Variants in RBFOX1 observed in about 807,000 individuals in gnomAD.
RBFOX1 encodes the protein RNA binding protein fox-1 homolog 1.
A neutral mutation model predicts 57.7 loss-of-function variants in RBFOX1; 8 were observed. The ratio of observed to expected loss-of-function variants is 0.14; its 90% confidence interval spans 0.08 to 0.25. The LOEUF (loss-of-function observed/expected upper bound fraction) is 0.25, where lower values mean the gene tolerates loss of function less well. Ranked by LOEUF, RBFOX1 falls within the 10% of genes least tolerant of loss-of-function variation. The probability of loss-of-function intolerance (pLI) is 1.00; values close to 1 mark genes in which losing one functional copy is unlikely to be tolerated. For synonymous variants in RBFOX1, 326 were observed against 222.4 expected, an observed-to-expected ratio of 1.47 and a Z score of -4.15; for missense variants, 611 against 548.5, an observed-to-expected ratio of 1.11 and a Z score of -1.14.
intron 4 of RBFOX1, among the ~76,000 whole-genome samples, chr16:7,446,408 A>C (rs751358606): frequency 3.3e-5 from 5 of 152,210 alleles, no homozygotes; most frequent in Non-Finnish European, 7.3e-5. Context: ...ATGATTTTCT[A>C]GTATAACTAG....
At chr16:5,704,405 C>G (rs1000861557) in intron 3 of RBFOX1, among the ~76,000 whole-genome samples, 1 of 152,040 alleles carries the variant, frequency 6.6e-6, no homozygotes, top group Non-Finnish European at 1.5e-5. Context: ...CGCCACAACT[C>G]ACAGGGAGTG....
intron 3 of RBFOX1, among the ~76,000 whole-genome samples, chr16:5,688,680 C>T (rs2050577241): frequency 1.3e-5 from 2 of 152,278 alleles, no homozygotes; most frequent in South Asian, 4.1e-4. Context: ...CAGAGTCTCA[C>T]ATGTAAATTA....
chr16:7,189,584 CACAT>C (rs1164065871), intron 4 of RBFOX1, among the ~76,000 whole-genome samples: 71 of 146,070 alleles, frequency 4.9e-4, no homozygotes, highest in African/African-American at 1.2e-3. Context: ...CACACACACA[CACAT>C]ACACACACAA....
At chr16:7,441,533 C>G (rs932223737) in intron 4 of RBFOX1, among the ~76,000 whole-genome samples, 2 of 152,074 alleles carry the variant, frequency 1.3e-5, no homozygotes, top group South Asian at 4.1e-4. Context: ...ACTATAATAT[C>G]TTTTTCACGT....
chr16:5,925,934 A>G (rs2058931681), intron 4 of RBFOX1, among the ~76,000 whole-genome samples: 1 of 152,138 alleles, frequency 6.6e-6, no homozygotes, highest in Non-Finnish European at 1.5e-5. Flanking sequence ...CTCTCCGTAG[A>G]CTAAACATGC....
At chr16:6,512,537 G>A (rs1210896872) in intron 2 of RBFOX1, among the ~76,000 whole-genome samples, 1 of 152,070 alleles carries the variant, frequency 6.6e-6, no homozygotes, top group Admixed American at 6.6e-5. Flanking sequence ...CCAAGACTGG[G>A]TGTTGCTAGA....
chr16:6,214,405 G>T (rs376410183), intron 1 of RBFOX1, among the ~76,000 whole-genome samples: 1 of 148,734 alleles, frequency 6.7e-6, no homozygotes, highest in African/African-American at 2.5e-5. Flanking sequence ...GGGACAGGAA[G>T]AGAGGGAGTG....
chr16:5,665,577 C>T (rs1482171297), intron 3 of RBFOX1, among the ~76,000 whole-genome samples: 1 of 152,164 alleles, frequency 6.6e-6, no homozygotes, highest in African/African-American at 2.4e-5. Flanking sequence ...GGGCAGGGAC[C>T]TTTGGGTCAC....
At chr16:7,022,013 T>TCCCCCTCTCCCTCCCCTC (rs1464800376) in intron 3 of RBFOX1, among the ~76,000 whole-genome samples, 3 of 12,688 alleles carry the variant, frequency 2.4e-4, no homozygotes, top group Non-Finnish European at 2.2e-4. Context: ...TCCCTCCCCT[T>TCCCCCTCTCCCTCCCCTC]CCCTTCCCCC....
At chr16:6,507,881 A>G (rs1377496810) in intron 2 of RBFOX1, among the ~76,000 whole-genome samples, 1 of 152,156 alleles carries the variant, frequency 6.6e-6, no homozygotes, top group African/African-American at 2.4e-5. Flanking sequence ...TTGCAAGATA[A>G]AGAGTTCTAC....
intron 1 of RBFOX1, among the ~76,000 whole-genome samples, chr16:6,170,088 A>G (rs1362763323): frequency 6.6e-6 from 1 of 152,150 alleles, no homozygotes; most frequent in Non-Finnish European, 1.5e-5. Flanking sequence ...CGGTTTGTCC[A>G]CAAGGACTCA....
rs554038958 is a variant in RBFOX1, at chr16:5,273,088, A to G, written c.219+32983A>G. ...AATGCTGCCCACTTAGAGAAAGAGA[A>G]ACTCGTTCTCTTTAAGAGGCAGAGG... On this transcript the variant is annotated intron_variant, in intron 1 of 2. Coordinates refer to the RBFOX1 transcript ENST00000585867. Among the ~76,000 whole-genome samples the G allele has an allele frequency of 5.3e-5, 8 of 152,292 alleles. No individual in the cohort carries two copies. In the South Asian group the frequency reaches 1.5e-3, roughly 28 times the overall value.
intron 2 of RBFOX1, among the ~76,000 whole-genome samples, chr16:6,494,912 C>G (rs544092607): frequency 6.6e-6 from 1 of 152,118 alleles, no homozygotes; most frequent in African/African-American, 2.4e-5. Flanking sequence ...GTATTCTAAG[C>G]CTGTTATGTA....
intron 2 of RBFOX1, among the ~76,000 whole-genome samples, chr16:5,555,313 G>T (rs888806639): frequency 6.6e-6 from 1 of 152,130 alleles, no homozygotes; most frequent in African/African-American, 2.4e-5. Context: ...GAGTGCAGTG[G>T]TGTGATCTCA....
At chr16:7,510,161 C>G (rs899568183) in intron 4 of RBFOX1, 2 of 985,620 alleles carry the variant, frequency 2.0e-6, no homozygotes, top group African/African-American at 1.7e-5. Flanking sequence ...CCTCAGCCCC[C>G]CACCTTCCTC....
chr16:6,120,706 G>A (rs959639123), intron 1 of RBFOX1, among the ~76,000 whole-genome samples: 1 of 151,992 alleles, frequency 6.6e-6, no homozygotes, highest in Non-Finnish European at 1.5e-5. Context: ...GCTCTTTTAT[G>A]TTCTTGCTTG....
chr16:7,173,443 G>T (rs375077144), intron 4 of RBFOX1, among the ~76,000 whole-genome samples: 3 of 152,244 alleles, frequency 2.0e-5, no homozygotes, highest in African/African-American at 7.2e-5. Context: ...ACTCTGAAAG[G>T]GAGGCACTGG....
At chr16:6,394,281 C>T (rs921626244) in intron 2 of RBFOX1, among the ~76,000 whole-genome samples, 59 of 152,230 alleles carry the variant, frequency 3.9e-4, no homozygotes, top group African/African-American at 1.3e-3. Flanking sequence ...CTGATCGAGG[C>T]ATATTGTGGA....
chr16:7,154,056 G>C (rs1428042653), intron 4 of RBFOX1, among the ~76,000 whole-genome samples: 1 of 152,170 alleles, frequency 6.6e-6, no homozygotes, highest in African/African-American at 2.4e-5. Context: ...TTTAGCAACA[G>C]ATTTGCTTAA....
Sources: gnomAD v4.1 joint callset for allele counts (sites outside exome capture counted in the v4.1 genomes callset) on GRCh38, gnomAD v4.1.1 for gene constraint, MANE v1.5 for transcripts, NCBI Gene and HGNC (gene_info 2026-07-23, HGNC 2026-07-21) for gene names.